Variants in CPED1 observed in about 807,000 individuals in gnomAD.
CPED1 encodes cadherin like and PC-esterase domain containing 1, also known as cadherin-like and PC-esterase domain-containing protein 1.
In CPED1, 114 loss-of-function variants were observed where a neutral mutation model predicts 128.2. That is an observed-to-expected ratio of 0.89 (90% CI 0.76 to 1.04). The LOEUF (loss-of-function observed/expected upper bound fraction) is 1.04. Among genes scored for constraint, CPED1 ranks in the 50% least tolerant of loss-of-function variants. CPED1 has a pLI of 0.00. For missense variants in CPED1, 1,211 were observed against 1,207.1 expected (o/e 1.00, Z -0.05); for synonymous variants, 462 against 426.7 (o/e 1.08, Z -1.02).
chr7:121,223,095 T>C (rs182287496), intron 16 of CPED1, among the ~76,000 whole-genome samples: 5 of 152,314 alleles, frequency 3.3e-5, no homozygotes, highest in African/African-American at 1.2e-4. Flanking sequence ...TGTGGGTTTG[T>C]GATAAATAGC....
intron 18 of CPED1, among the ~76,000 whole-genome samples, chr7:121,245,295 A>G (rs539261399): frequency 6.6e-6 from 1 of 152,322 alleles, no homozygotes; most frequent in African/African-American, 2.4e-5. Context: ...GAATGTCTCT[A>G]AAGATCAATC....
intron 16 of CPED1, among the ~76,000 whole-genome samples, chr7:121,224,503 C>T (rs1449174702): frequency 6.6e-6 from 1 of 152,108 alleles, no homozygotes; most frequent in Non-Finnish European, 1.5e-5. Flanking sequence ...AGTTCAAGTC[C>T]TGGATATCCT....
chr7:121,273,484 C>T (rs182489644), intron 22 of CPED1, among the ~76,000 whole-genome samples: 354 of 151,896 alleles, frequency 2.3e-3, no homozygotes, highest in African/African-American at 8.2e-3. Flanking sequence ...ATCACCACCA[C>T]TGCACTCCAG....
intron 2 of CPED1, among the ~76,000 whole-genome samples, chr7:120,993,296 G>T (rs985989427): frequency 6.6e-6 from 1 of 152,122 alleles, no homozygotes; most frequent in Non-Finnish European, 1.5e-5. Context: ...CTTAATATAT[G>T]CTTCTTTAAT....
chr7:121,295,716 G>C lies in CPED1; in HGVS notation c.*64G>C, dbSNP rs549660719. ...GCTAGTCACCCGGACAATGGTCTAG[G>C]AGCCAAGCGCTGCACATCGCACACA... On this transcript the variant is annotated 3_prime_UTR_variant, in exon 23 of 23. Coordinates refer to ENST00000310396, the MANE Select transcript of CPED1 (RefSeq NM_024913.5). 6.6e-4 allele frequency: 937 copies of C among 1,419,886 alleles called. 18 individuals carry two copies. In the South Asian group the frequency reaches 0.01, roughly 16 times the overall value. 88.0% of individuals were successfully genotyped at this position (1,419,886 alleles called of 1,614,324 possible).
chr7:121,035,609 G>A (rs778717009), intron 3 of CPED1, among the ~76,000 whole-genome samples: 31 of 152,134 alleles, frequency 2.0e-4, no homozygotes, highest in Non-Finnish European at 2.9e-4. Context: ...AGAGGTGGGA[G>A]GATTGTGTGA....
intron 3 of CPED1, among the ~76,000 whole-genome samples, chr7:121,038,703 G>A (rs188759115): frequency 2.0e-5 from 3 of 151,746 alleles, no homozygotes; most frequent in East Asian, 1.9e-4. Flanking sequence ...TTTAGTCATC[G>A]TGTTTCATTC....
intron 7 of CPED1, among the ~76,000 whole-genome samples, chr7:121,111,122 G>A (rs1046547270): frequency 6.6e-6 from 1 of 152,108 alleles, no homozygotes; most frequent in Non-Finnish European, 1.5e-5. Flanking sequence ...GAGGCACACA[G>A]GTTCCTGTTC....
chr7:121,110,256 G>A (rs1008153496), intron 7 of CPED1, among the ~76,000 whole-genome samples: 1 of 152,148 alleles, frequency 6.6e-6, no homozygotes, highest in African/African-American at 2.4e-5. Context: ...TTGGGCTCCA[G>A]TAGCATAGCA....
intron 5 of CPED1, among the ~76,000 whole-genome samples, chr7:121,079,919 G>T (rs1000260793): frequency 6.6e-6 from 1 of 152,184 alleles, no homozygotes; most frequent in African/African-American, 2.4e-5. Flanking sequence ...CTGATAATTT[G>T]TAGGATTCTG....
chr7:121,247,948 C>G (rs1485972652), intron 18 of CPED1, among the ~76,000 whole-genome samples: 1 of 152,212 alleles, frequency 6.6e-6, no homozygotes, highest in South Asian at 2.1e-4. Context: ...CCCACCCTGC[C>G]TGGCTTCTCT....
At chr7:121,263,158 A>C (rs1415973076) in intron 18 of CPED1, among the ~76,000 whole-genome samples, 1 of 152,064 alleles carries the variant, frequency 6.6e-6, no homozygotes, top group Non-Finnish European at 1.5e-5. Flanking sequence ...CTTGCTAGTC[A>C]CTAATCAGCA....
At chr7:121,182,815 T>C (rs866657716) in intron 16 of CPED1, among the ~76,000 whole-genome samples, 2 of 152,068 alleles carry the variant, frequency 1.3e-5, no homozygotes, top group African/African-American at 4.8e-5. Context: ...ACTGTGTCAT[T>C]GCGAACATTA....
chr7:121,044,795 A>G (rs1014893917), intron 3 of CPED1, among the ~76,000 whole-genome samples: 3 of 151,884 alleles, frequency 2.0e-5, no homozygotes, highest in African/African-American at 7.3e-5. Context: ...ATATATTTCT[A>G]TCAACTCTAG....
intron 2 of CPED1, among the ~76,000 whole-genome samples, chr7:121,009,596 G>C (rs1792109596): frequency 8.8e-6 from 1 of 113,844 alleles, no homozygotes; most frequent in Admixed American, 1.1e-4. Flanking sequence ...GACAGAGCCA[G>C]CCCCTGTCTC....
At chr7:121,183,365 T>G (rs1423214390) in intron 16 of CPED1, among the ~76,000 whole-genome samples, 1 of 152,214 alleles carries the variant, frequency 6.6e-6, no homozygotes, top group Non-Finnish European at 1.5e-5. Flanking sequence ...CCAAGAGATA[T>G]TTGTTTAATA....
chr7:121,292,008 A>G (rs1288433892), intron 22 of CPED1, among the ~76,000 whole-genome samples: 1 of 151,710 alleles, frequency 6.6e-6, no homozygotes. Flanking sequence ...CTTCTTGAAG[A>G]GTTTCTCTGT....
chr7:121,088,772 A>AAAAAAAAAAAAAAAAAAAAAAAAAAT, intron 5 of CPED1, among the ~76,000 whole-genome samples: 1 of 140,950 alleles, frequency 7.1e-6, no homozygotes, highest in Non-Finnish European at 1.5e-5. Flanking sequence ...GCAAAAAAAA[A>AAAAAAAAAAAAAAAAAAAAAAAAAAT]AAAAAAAAAA....
At chr7:121,126,494 T>G (rs2116320284) in intron 9 of CPED1, among the ~76,000 whole-genome samples, 1 of 152,172 alleles carries the variant, frequency 6.6e-6, no homozygotes, top group Non-Finnish European at 1.5e-5. Flanking sequence ...ATTTATTAAA[T>G]TAGTCTATAG....
Sources: allele counts gnomAD v4.1 joint callset (sites outside exome capture counted in the v4.1 genomes callset), GRCh38; gene constraint gnomAD v4.1.1; transcripts MANE v1.5; gene names NCBI Gene and HGNC (gene_info 2026-07-23, HGNC 2026-07-21).